Variants in PBX3 observed in about 807,000 individuals in gnomAD.
PBX3 encodes the protein PBX homeobox 3.
A neutral mutation model predicts 48.5 loss-of-function variants in PBX3; 14 were observed. The observed-to-expected ratio is 0.29, with a 90% CI of 0.19 to 0.45. PBX3 has a LOEUF of 0.45. Ranked by LOEUF, PBX3 falls within the 20% of genes least tolerant of loss-of-function variation. The probability of loss-of-function intolerance (pLI) is 1.00; values close to 1 mark genes in which losing one functional copy is unlikely to be tolerated. For missense variants in PBX3, 386 were observed against 546.7 expected, an observed-to-expected ratio of 0.71 and a Z score of 2.93; for synonymous variants, 210 against 200.3, an observed-to-expected ratio of 1.05 and a Z score of -0.41.
At chr9:125,748,894 C>T (rs1836287719) in intron 2 of PBX3, 2 of 325,198 alleles carry the variant, frequency 6.2e-6, no homozygotes, top group South Asian at 6.2e-5. Context: ...GGAGGGGGCC[C>T]GGAGCGCCAG....
At chr9:125,756,506 T>C (rs904622917) in intron 2 of PBX3, among the ~76,000 whole-genome samples, 15 of 152,162 alleles carry the variant, frequency 9.9e-5, no homozygotes, top group African/African-American at 2.9e-4. Flanking sequence ...CCTAACTGTA[T>C]TTGCTGGGTA....
At chr9:125,787,126 A>G (rs997703323) in intron 2 of PBX3, among the ~76,000 whole-genome samples, 2 of 151,518 alleles carry the variant, frequency 1.3e-5, no homozygotes, top group African/African-American at 2.4e-5. Flanking sequence ...TGCAGCCTCA[A>G]CCTCCTTAGC....
intron 2 of PBX3, among the ~76,000 whole-genome samples, chr9:125,819,438 T>C (rs1838580635): frequency 1.3e-5 from 2 of 151,704 alleles, no homozygotes; most frequent in Non-Finnish European, 2.9e-5. Context: ...AGGCAGGAGA[T>C]CACTTGAACC....
chr9:125,774,401 C>T (rs938329999), intron 2 of PBX3, among the ~76,000 whole-genome samples: 3 of 152,186 alleles, frequency 2.0e-5, no homozygotes, highest in Non-Finnish European at 4.4e-5. Context: ...CAGTCATTCT[C>T]TATTTCTCCT....
chr9:125,871,592 CAAAG>C (rs140903442), intron 2 of PBX3, among the ~76,000 whole-genome samples: 3,017 of 151,966 alleles, frequency 0.02, 163 homozygotes, highest in East Asian at 0.17. Flanking sequence ...AAAATTCAAA[CAAAG>C]TAAGAATGAA....
At chr9:125,860,402 G>A (rs1403837017) in intron 2 of PBX3, among the ~76,000 whole-genome samples, 4 of 152,190 alleles carry the variant, frequency 2.6e-5, no homozygotes, top group African/African-American at 9.7e-5. Flanking sequence ...TGGTATGAAT[G>A]ACAATCACAA....
intron 2 of PBX3, among the ~76,000 whole-genome samples, chr9:125,903,315 C>G (rs1462607704): frequency 6.6e-6 from 1 of 151,688 alleles, no homozygotes; most frequent in Non-Finnish European, 1.5e-5. Flanking sequence ...TCTCAAGGGA[C>G]CAGACATAAA....
chr9:125,844,815 C>T (rs1381759349), intron 2 of PBX3: 2 of 152,030 alleles, frequency 1.3e-5, no homozygotes, highest in African/African-American at 4.8e-5. Flanking sequence ...AACACTAAAC[C>T]TTGATCAAAG....
At chr9:125,938,981 A>G (rs1460734343) in intron 5 of PBX3, among the ~76,000 whole-genome samples, 8 of 151,084 alleles carry the variant, frequency 5.3e-5, no homozygotes, top group African/African-American at 9.7e-5. Context: ...TTGCATGTAT[A>G]TGTGTGTGTG....
intron 2 of PBX3, among the ~76,000 whole-genome samples, chr9:125,899,492 A>G: frequency 7.1e-6 from 1 of 141,836 alleles, no homozygotes; most frequent in Admixed American, 7.1e-5. Context: ...GAGAGAGCTC[A>G]CCCACAGGCA....
At chr9:125,790,077 G>A (rs187762401) in intron 2 of PBX3, among the ~76,000 whole-genome samples, 59 of 152,248 alleles carry the variant, frequency 3.9e-4, no homozygotes, top group African/African-American at 1.4e-3. Context: ...AAAGAAATAC[G>A]TGGATTAAAA....
intron 2 of PBX3, among the ~76,000 whole-genome samples, chr9:125,865,797 G>T (rs1035723861): frequency 2.6e-5 from 4 of 152,138 alleles, no homozygotes; most frequent in African/African-American, 9.7e-5. Flanking sequence ...AGTTTTACCT[G>T]TAGAAGAATA....
chr9:125,894,763 A>T (rs2132398289), intron 2 of PBX3, among the ~76,000 whole-genome samples: 1 of 152,224 alleles, frequency 6.6e-6, no homozygotes, highest in African/African-American at 2.4e-5. Flanking sequence ...GTCTTCTTAT[A>T]GTGTGCTGCT....
At chr9:125,963,926 T>G (rs79164006) in intron 8 of PBX3, among the ~76,000 whole-genome samples, 1 of 31,470 alleles carries the variant, frequency 3.2e-5, no homozygotes. Context: ...TACTCAAATC[T>G]TTTACATTTG....
At position 125,804,199 on chromosome 9, in the gene PBX3, T is replaced by C. The variant is rs370085963; in HGVS notation, c.274+55576T>C. 1.4e-4 allele frequency among the ~76,000 whole-genome samples: 22 copies of C among 152,350 alleles called. 1 individual carries two copies. In the South Asian group the frequency reaches 2.9e-3, roughly 20 times the overall value. ...GGTAATCAGTGGTAGGGTTTATAAATATAGAGTTTATTCAGTGTTAGATAG... is the reference window on the plus strand; with the variant it reads ...GGTAATCAGTGGTAGGGTTTATAAACATAGAGTTTATTCAGTGTTAGATAG... On this transcript the variant is annotated intron_variant, in intron 2 of 8. Coordinates refer to ENST00000373489, the MANE Select transcript of PBX3 (RefSeq NM_006195.6).
At chr9:125,808,506 A>T (rs1838193329) in intron 2 of PBX3, among the ~76,000 whole-genome samples, 2 of 152,056 alleles carry the variant, frequency 1.3e-5, no homozygotes, top group South Asian at 4.1e-4. Context: ...CTCTACAAAA[A>T]ATTTAAAAAA....
At chr9:125,775,971 ACT>A (rs1837060668) in intron 2 of PBX3, among the ~76,000 whole-genome samples, 1 of 151,990 alleles carries the variant, frequency 6.6e-6, no homozygotes, top group Admixed American at 6.5e-5. Flanking sequence ...TTGTTTATTG[ACT>A]CTAGCAGGTT....
intron 2 of PBX3, among the ~76,000 whole-genome samples, chr9:125,853,933 G>C (rs1336643791): frequency 1.3e-5 from 2 of 152,028 alleles, no homozygotes; most frequent in Non-Finnish European, 2.9e-5. Context: ...AATGGACACT[G>C]ACATGAAAAA....
At chr9:125,862,810 T>C (rs554192294) in intron 2 of PBX3, among the ~76,000 whole-genome samples, 1 of 152,330 alleles carries the variant, frequency 6.6e-6, no homozygotes, top group East Asian at 1.9e-4. Flanking sequence ...GAGTCAGATT[T>C]GAATGTGAAT....
Sources: allele counts gnomAD v4.1 joint callset (sites outside exome capture counted in the v4.1 genomes callset), GRCh38; gene constraint gnomAD v4.1.1; transcripts MANE v1.5; gene names NCBI Gene and HGNC (gene_info 2026-07-23, HGNC 2026-07-21).